The following CSMD1 variants were observed in gnomAD, a reference collection of about 807,000 sequenced individuals.
The protein encoded by CSMD1 is CUB and sushi domain-containing protein 1.
Under a neutral mutation model 417.5 loss-of-function variants are expected in CSMD1, and 213 were observed. That is an observed-to-expected ratio of 0.51 (90% confidence interval 0.46 to 0.57). The LOEUF (loss-of-function observed/expected upper bound fraction) is 0.57. Ranked by LOEUF, CSMD1 falls within the 20% of genes least tolerant of loss-of-function variation. The pLI, the probability that CSMD1 is intolerant of heterozygous loss-of-function variation, is 0.00. For missense variants in CSMD1, 6,923 were observed against 4,529.7 expected (o/e 1.53, Z -15.17); for synonymous variants, 2,862 against 1,736.8 (o/e 1.65, Z -16.11).
rs186337468 is a variant in CSMD1 at position 3,914,499 on chromosome 8, T to C, written c.818+83404A>G. On this transcript the variant is annotated intron_variant, in intron 5 of 69. Transcript: ENST00000635120. ...TTGAGTAAGGACAGTGTGTGTGCAA[T>C]CTGTGTAAAGTTTAATTTTTGTAGC... Among the ~76,000 whole-genome samples, 143 of 152,328 alleles carry C rather than the reference T, an allele frequency of 9.4e-4. 1 individual carries two copies. Among genetic ancestry groups the C allele is most frequent in the Middle Eastern group, 6.8e-3 (2 of 294 alleles).
chr8:4,179,578 G>A (rs1241552632), intron 3 of CSMD1, among the ~76,000 whole-genome samples: 2 of 151,254 alleles, frequency 1.3e-5, no homozygotes, highest in African/African-American at 2.4e-5. Context: ...ATTGACAAAT[G>A]GAATCTAATT....
At chr8:3,331,346 G>C (rs1282908193) in intron 23 of CSMD1, among the ~76,000 whole-genome samples, 1 of 152,182 alleles carries the variant, frequency 6.6e-6, no homozygotes, top group African/African-American at 2.4e-5. Context: ...CAGAGGCACT[G>C]ATCAAAATCC....
At chr8:3,498,807 G>C (rs762987967) in intron 10 of CSMD1, among the ~76,000 whole-genome samples, 1 of 151,762 alleles carries the variant, frequency 6.6e-6, no homozygotes, top group Non-Finnish European at 1.5e-5. Flanking sequence ...TTTTTAAATT[G>C]TATTCATTTT....
chr8:4,395,073 C>A, intron 3 of CSMD1, among the ~76,000 whole-genome samples: 1 of 152,146 alleles, frequency 6.6e-6, no homozygotes, highest in Non-Finnish European at 1.5e-5. Flanking sequence ...CCAGGGTGTC[C>A]TGGCACCTCC....
At position 3,588,564 on chromosome 8, in the gene CSMD1, G is replaced by C. The variant is rs181392681; in HGVS notation, c.1098-2304C>G. On this transcript the variant is annotated intron_variant, in intron 8 of 69. Coordinates refer to ENST00000635120, the MANE Select transcript of CSMD1 (RefSeq NM_033225.6). The stretch of plus-strand genomic sequence containing the variant: ...CAGCACACCAATCCTTAGTCATGGA[G>C]GGCTCTCTGCTCCTATAACACCTCT... Among the ~76,000 whole-genome samples the C allele has an allele frequency of 1.1e-4, 16 of 152,242 alleles. No homozygotes were observed. In the East Asian group the frequency reaches 2.3e-3, roughly 22 times the overall value.
Position 4,679,763 on chromosome 8 carries a change from G to C in CSMD1, c.86-42205C>G, listed in dbSNP as rs115888145. On this transcript the variant is annotated intron_variant, in intron 1 of 69. Transcript: ENST00000635120. ...GTAACTACTTATTTCTTTAAATGAA[G>C]CTTTATGCTAAGTAATATGTGTATA... Among the ~76,000 whole-genome samples, 370 of 152,038 alleles carry C rather than the reference G, an allele frequency of 2.4e-3. 5 individuals carry two copies. The highest frequency in any genetic ancestry group is 8.7e-3 in the African/African-American group (360 of 41,504).
chr8:4,127,989 G>A (rs1175832752), intron 3 of CSMD1, among the ~76,000 whole-genome samples: 1 of 152,176 alleles, frequency 6.6e-6, no homozygotes, highest in African/African-American at 2.4e-5. Flanking sequence ...ACTGCTTTGG[G>A]AAAGGGATGC....
intron 23 of CSMD1, among the ~76,000 whole-genome samples, chr8:3,311,280 C>T (rs994947506): frequency 2.6e-5 from 4 of 151,980 alleles, no homozygotes; most frequent in African/African-American, 9.7e-5. Context: ...GAAATGCAGT[C>T]TGTCTGTTGC....
At chr8:3,114,632 C>G (rs1422304997) in intron 42 of CSMD1, among the ~76,000 whole-genome samples, 1 of 151,776 alleles carries the variant, frequency 6.6e-6, no homozygotes, top group Non-Finnish European at 1.5e-5. Context: ...TTGGAAATTG[C>G]CGGTTGGTAA....
intron 3 of CSMD1, among the ~76,000 whole-genome samples, chr8:4,054,095 C>A (rs935520439): frequency 6.6e-6 from 1 of 152,134 alleles, no homozygotes; most frequent in Non-Finnish European, 1.5e-5. Flanking sequence ...TTCACTACAC[C>A]AGCTGCTAAT....
At chr8:4,977,500 T>C (rs557859607) in intron 1 of CSMD1, among the ~76,000 whole-genome samples, 109 of 152,278 alleles carry the variant, frequency 7.2e-4, no homozygotes, top group African/African-American at 2.5e-3. Context: ...TTTCTTCACA[T>C]TGGCATGAAA....
chr8:4,259,747 T>G (rs1803739514), intron 3 of CSMD1, among the ~76,000 whole-genome samples: 1 of 152,124 alleles, frequency 6.6e-6, no homozygotes, highest in African/African-American at 2.4e-5. Flanking sequence ...ACACATGTAT[T>G]TCATAAACCC....
intron 1 of CSMD1, among the ~76,000 whole-genome samples, chr8:4,845,673 T>C (rs565665185): frequency 6.6e-6 from 1 of 152,136 alleles, no homozygotes; most frequent in African/African-American, 2.4e-5. Flanking sequence ...GAAAGATGTG[T>C]AATATTTTGA....
chr8:4,168,391 A>ACT (rs1797576792), intron 3 of CSMD1, among the ~76,000 whole-genome samples: 2 of 150,950 alleles, frequency 1.3e-5, no homozygotes, highest in East Asian at 3.9e-4. Flanking sequence ...TGAGACCCTT[A>ACT]CTCTCTCTCT....
chr8:3,544,001 G>A (rs1324199008), intron 10 of CSMD1, among the ~76,000 whole-genome samples: 2 of 152,180 alleles, frequency 1.3e-5, no homozygotes, highest in Non-Finnish European at 2.9e-5. Flanking sequence ...GGATCAAGAA[G>A]CAGAGTCTAA....
chr8:4,917,704 C>T (rs971267538), intron 1 of CSMD1, among the ~76,000 whole-genome samples: 6 of 151,950 alleles, frequency 3.9e-5, no homozygotes, highest in African/African-American at 7.2e-5. Flanking sequence ...AGAGACAAAC[C>T]GTATCAGTGG....
chr8:3,392,955 A>T (rs1211106548), intron 17 of CSMD1, among the ~76,000 whole-genome samples: 1 of 152,020 alleles, frequency 6.6e-6, no homozygotes, highest in Non-Finnish European at 1.5e-5. Flanking sequence ...GGTGATAAGC[A>T]CTCATAAAAT....
At chr8:4,897,323 C>T (rs769425304) in intron 1 of CSMD1, among the ~76,000 whole-genome samples, 2 of 151,934 alleles carry the variant, frequency 1.3e-5, no homozygotes, top group Non-Finnish European at 2.9e-5. Context: ...AGAGTTTTAC[C>T]AAGTATGCCA....
At chr8:4,774,254 G>A (rs1027983449) in intron 1 of CSMD1, among the ~76,000 whole-genome samples, 19 of 152,024 alleles carry the variant, frequency 1.2e-4, no homozygotes, top group Non-Finnish European at 2.1e-4. Context: ...CAGCATTTGC[G>A]AATGGGGCAA....
Sources: gnomAD v4.1 joint callset for allele counts (sites outside exome capture counted in the v4.1 genomes callset) on GRCh38, gnomAD v4.1.1 for gene constraint, MANE v1.5 for transcripts, NCBI Gene and HGNC (gene_info 2026-07-23, HGNC 2026-07-21) for gene names.